TPD52L1: variants seen among roughly 807,000 people sequenced by gnomAD.
The protein encoded by TPD52L1 is TPD52 like 1.
Under a neutral mutation model 28.7 loss-of-function variants are expected in TPD52L1, and 18 were observed. The ratio of observed to expected loss-of-function variants is 0.63; its 90% CI spans 0.43 to 0.93. The LOEUF (loss-of-function observed/expected upper bound fraction) is 0.93, where lower values mean the gene tolerates loss of function less well. TPD52L1 is among the 40% of genes least tolerant of loss of function. The pLI is 0.00. For synonymous variants in TPD52L1, 75 were observed against 88.8 expected, an observed-to-expected ratio of 0.84 and a Z score of 0.88; for missense variants, 203 against 254.8, an observed-to-expected ratio of 0.80 and a Z score of 1.39.
At chr6:125,235,430 A>T (rs1394596929) in intron 3 of TPD52L1, among the ~76,000 whole-genome samples, 1 of 152,180 alleles carries the variant, frequency 6.6e-6, no homozygotes, top group Non-Finnish European at 1.5e-5. Flanking sequence ...TGCAAAAAAT[A>T]AAAATAAAAA....
chr6:125,223,040 T>G (rs746968187), intron 2 of TPD52L1, among the ~76,000 whole-genome samples: 11 of 152,172 alleles, frequency 7.2e-5, no homozygotes, highest in Non-Finnish European at 1.2e-4. Flanking sequence ...CTAACCACAT[T>G]CCTTTAGAGT....
At chr6:125,260,994 G>GA (rs1447686159) in intron 6 of TPD52L1, 1 of 43,376 alleles carries the variant, frequency 2.3e-5, no homozygotes, top group Non-Finnish European at 4.2e-5. Context: ...AAGAAAGAAA[G>GA]AAAGAAAGAA....
intron 2 of TPD52L1, among the ~76,000 whole-genome samples, chr6:125,227,008 T>C (rs1473273004): frequency 1.3e-5 from 2 of 152,218 alleles, no homozygotes; most frequent in African/African-American, 4.8e-5. Context: ...TCAGTGTATG[T>C]ATGCACACTG....
rs1583040973 is a variant in TPD52L1, at chr6:125,262,768, C to T, written c.487-66C>T. ...TGAAAGTAATCCAGCTTTTGGTATT[C>T]TTATAAAAACATTACAAAAATGATA... On this transcript the variant is annotated intron_variant, in intron 6 of 6. Transcript: ENST00000534000. The T allele has an allele frequency of 4.6e-6, 7 of 1,532,614 alleles. No homozygotes were observed. In the East Asian group the frequency reaches 1.6e-4, roughly 35 times the overall value. 94.9% of individuals were successfully genotyped at this position (1,532,614 alleles called of 1,614,324 possible). A position where few individuals can be genotyped will look rare whatever the true frequency, so the allele number is the denominator to read the frequency against.
chr6:125,181,905 G>C (rs965986), intron 1 of TPD52L1, among the ~76,000 whole-genome samples: 1 of 152,146 alleles, frequency 6.6e-6, no homozygotes. Context: ...GGGATATTAG[G>C]ATAATTTTAG....
At chr6:125,243,570 C>T (rs1192560462) in intron 3 of TPD52L1, among the ~76,000 whole-genome samples, 1 of 151,824 alleles carries the variant, frequency 6.6e-6, no homozygotes, top group Non-Finnish European at 1.5e-5. Context: ...TTTTTTTCTA[C>T]TTGTTCTAGT....
chr6:125,249,691 C>CAAA lies in TPD52L1; in HGVS notation c.386+1325_386+1327dup, dbSNP rs11431442. Among the ~76,000 whole-genome samples the CAAA allele has an allele frequency of 9.4e-3, 703 of 75,160 alleles. 8 individuals carry two copies. Among genetic ancestry groups the CAAA allele is most frequent in the African/African-American group, 0.027 (657 of 24,028 alleles). 49.3% of individuals were successfully genotyped at this position (75,160 alleles called of 152,430 possible). On this transcript the variant is annotated intron_variant, in intron 4 of 6. Coordinates refer to ENST00000534000, the MANE Select transcript of TPD52L1 (RefSeq NM_003287.4). Reference sequence around the variant, plus strand: ...TAGGCAATAGAGTGAGACTCTGTCTCAAAAAAAAAAAAAAAAAAAGAAGGA... The same window carrying CAAA: ...TAGGCAATAGAGTGAGACTCTGTCTCAAAAAAAAAAAAAAAAAAAAAAGAAGGA...
At chr6:125,199,406 C>T (rs910487398) in intron 1 of TPD52L1, among the ~76,000 whole-genome samples, 2 of 152,160 alleles carry the variant, frequency 1.3e-5, no homozygotes, top group African/African-American at 4.8e-5. Context: ...TAAAAGAGGC[C>T]AGGCGCAGTG....
At chr6:125,232,516 T>C (rs915469975) in intron 3 of TPD52L1, among the ~76,000 whole-genome samples, 2 of 152,140 alleles carry the variant, frequency 1.3e-5, no homozygotes, top group African/African-American at 4.8e-5. Context: ...ATGATCAGGT[T>C]AGGTTAGGTA....
At chr6:125,185,031 G>A (rs770473847) in intron 1 of TPD52L1, among the ~76,000 whole-genome samples, 1 of 151,936 alleles carries the variant, frequency 6.6e-6, no homozygotes, top group Non-Finnish European at 1.5e-5. Context: ...AAATATACAA[G>A]ACAAAGAGCA....
At chr6:125,165,423 C>T (rs1223785692) in intron 1 of TPD52L1, among the ~76,000 whole-genome samples, 1 of 152,106 alleles carries the variant, frequency 6.6e-6, no homozygotes, top group African/African-American at 2.4e-5. Flanking sequence ...CAGTGTGAAT[C>T]GTTTATAAGT....
At chr6:125,210,446 G>C (rs1794418773) in intron 1 of TPD52L1, among the ~76,000 whole-genome samples, 1 of 152,186 alleles carries the variant, frequency 6.6e-6, no homozygotes, top group Non-Finnish European at 1.5e-5. Context: ...AGAAGGTAAT[G>C]CCAAATGACC....
intron 5 of TPD52L1, among the ~76,000 whole-genome samples, chr6:125,256,856 A>T (rs117749811): frequency 6.6e-6 from 1 of 152,262 alleles, no homozygotes; most frequent in Non-Finnish European, 1.5e-5. Flanking sequence ...GCCAAATACC[A>T]TATTATTTAC....
intron 1 of TPD52L1, among the ~76,000 whole-genome samples, chr6:125,191,036 A>G (rs1446759291): frequency 6.6e-6 from 1 of 152,210 alleles, no homozygotes; most frequent in African/African-American, 2.4e-5. Context: ...GACTCTACAT[A>G]TTAACTATAG....
intron 1 of TPD52L1, among the ~76,000 whole-genome samples, chr6:125,184,871 A>G (rs1339143193): frequency 2.0e-5 from 3 of 152,182 alleles, no homozygotes; most frequent in South Asian, 2.1e-4. Flanking sequence ...AATCAAGTGC[A>G]CCATTGCTAC....
rs376313702 is a variant in TPD52L1, at chr6:125,159,945, C to T, written c.19+5975C>T. 6.8e-4 allele frequency among the ~76,000 whole-genome samples: 104 copies of T among 152,174 alleles called. 5 individuals carry two copies. The South Asian group carries it at 0.019, about 28-fold the overall frequency. ...TGGGAGGTAATTGAATCATAGGTGCCGGTCTTTCCCATGCTGTTCTCATGA... is the reference window on the plus strand; with the variant it reads ...TGGGAGGTAATTGAATCATAGGTGCTGGTCTTTCCCATGCTGTTCTCATGA... On this transcript the variant is annotated intron_variant, in intron 1 of 6. Coordinates refer to ENST00000534000, the MANE Select transcript of TPD52L1 (RefSeq NM_003287.4).
At chr6:125,200,257 C>T (rs1220274014) in intron 1 of TPD52L1, among the ~76,000 whole-genome samples, 1 of 152,050 alleles carries the variant, frequency 6.6e-6, no homozygotes, top group Non-Finnish European at 1.5e-5. Context: ...TAGATTCAGT[C>T]AGTTGTTAAA....
At chr6:125,205,758 G>A (rs555480413) in intron 1 of TPD52L1, among the ~76,000 whole-genome samples, 1 of 152,158 alleles carries the variant, frequency 6.6e-6, no homozygotes, top group Non-Finnish European at 1.5e-5. Context: ...GTTAACCTGA[G>A]ATTATTGTAT....
chr6:125,252,241 A>G, intron 4 of TPD52L1: 1 of 551,692 alleles, frequency 1.8e-6, no homozygotes, highest in East Asian at 3.1e-5. Context: ...TCATTTCTGA[A>G]TCATTTACAC....
Sources: allele counts gnomAD v4.1 joint callset (sites outside exome capture counted in the v4.1 genomes callset), GRCh38; gene constraint gnomAD v4.1.1; transcripts MANE v1.5; gene names NCBI Gene and HGNC (gene_info 2026-07-23, HGNC 2026-07-21).